SLC2A13: variants seen among roughly 807,000 people sequenced by gnomAD.
SLC2A13 encodes proton myo-inositol cotransporter.
Under a neutral mutation model 64.4 loss-of-function variants are expected in SLC2A13, and 32 were observed. That is an observed-to-expected ratio of 0.50 (90% CI 0.37 to 0.67). The LOEUF (loss-of-function observed/expected upper bound fraction) is 0.67. SLC2A13 is among the 30% of genes least tolerant of loss of function. The pLI, the probability that SLC2A13 is intolerant of heterozygous loss-of-function variation, is 0.00. For synonymous variants in SLC2A13, 338 were observed against 327.1 expected (o/e 1.03, Z -0.36); for missense variants, 743 against 829.2 (o/e 0.90, Z 1.28).
intron 6 of SLC2A13, among the ~76,000 whole-genome samples, chr12:39,861,180 G>A (rs1943749814): frequency 6.6e-6 from 1 of 152,116 alleles, no homozygotes; most frequent in Admixed American, 6.6e-5. Context: ...CATTCTCAAG[G>A]TAATCTTCTC....
intron 3 of SLC2A13, among the ~76,000 whole-genome samples, chr12:40,010,468 G>T (rs1489632394): frequency 6.6e-6 from 1 of 151,952 alleles, no homozygotes; most frequent in Non-Finnish European, 1.5e-5. Context: ...GCCTGGATCA[G>T]CTGACTAAAG....
chr12:39,881,347 A>G (rs1944331840), intron 4 of SLC2A13, among the ~76,000 whole-genome samples: 1 of 152,152 alleles, frequency 6.6e-6, no homozygotes, highest in Admixed American at 6.5e-5. Context: ...AACAATCTGG[A>G]AACTCAAACA....
chr12:39,765,200 TGAC>T (rs756343531), intron 7 of SLC2A13, among the ~76,000 whole-genome samples: 1 of 152,070 alleles, frequency 6.6e-6, no homozygotes, highest in Non-Finnish European at 1.5e-5. Flanking sequence ...TTTGCAATCA[TGAC>T]AAGATTCAAA....
At chr12:39,823,248 T>C (rs1412114083) in intron 7 of SLC2A13, among the ~76,000 whole-genome samples, 1 of 152,210 alleles carries the variant, frequency 6.6e-6, no homozygotes, top group Non-Finnish European at 1.5e-5. Flanking sequence ...ATAAAATTTA[T>C]GTTGGTAAAA....
chr12:39,918,006 TGACA>T (rs1016086802), intron 4 of SLC2A13, among the ~76,000 whole-genome samples: 1 of 152,088 alleles, frequency 6.6e-6, no homozygotes, highest in Non-Finnish European at 1.5e-5. Flanking sequence ...AAAACTTGAT[TGACA>T]ATGAGGAAAT....
intron 3 of SLC2A13, among the ~76,000 whole-genome samples, chr12:39,978,594 C>T (rs551834119): frequency 1.5e-4 from 23 of 152,252 alleles, no homozygotes; most frequent in African/African-American, 3.9e-4. Flanking sequence ...CACTCCCACC[C>T]GAATATGGCG....
chr12:40,003,295 A>AAGTT (rs1344802280), intron 3 of SLC2A13, among the ~76,000 whole-genome samples: 1 of 152,230 alleles, frequency 6.6e-6, no homozygotes, highest in Non-Finnish European at 1.5e-5. Context: ...TACCCTATTT[A>AAGTT]ACAACTAGAA....
chr12:39,835,292 A>G (rs1479163600), intron 6 of SLC2A13, among the ~76,000 whole-genome samples: 1 of 152,074 alleles, frequency 6.6e-6, no homozygotes, highest in Non-Finnish European at 1.5e-5. Context: ...CATGAAAGAA[A>G]AAGACAGAAA....
intron 4 of SLC2A13, among the ~76,000 whole-genome samples, chr12:39,933,887 G>A (rs1945874724): frequency 6.6e-6 from 1 of 152,162 alleles, no homozygotes; most frequent in African/African-American, 2.4e-5. Flanking sequence ...GAGACTTAGA[G>A]TGTCTGTATA....
At chr12:39,788,837 C>A (rs1480040061) in intron 7 of SLC2A13, among the ~76,000 whole-genome samples, 1 of 152,134 alleles carries the variant, frequency 6.6e-6, no homozygotes, top group Non-Finnish European at 1.5e-5. Flanking sequence ...ATCTAAATTT[C>A]CAGACTCAAA....
chr12:39,967,577 G>C (rs937606340), intron 3 of SLC2A13, among the ~76,000 whole-genome samples: 3 of 152,178 alleles, frequency 2.0e-5, no homozygotes. Context: ...TTCTATTTGA[G>C]TGAAGTATGT....
intron 1 of SLC2A13, among the ~76,000 whole-genome samples, chr12:40,078,181 AC>A (rs1370468974): frequency 7.2e-5 from 11 of 152,198 alleles, no homozygotes; most frequent in African/African-American, 2.4e-4. Flanking sequence ...GACATCCAGT[AC>A]TATGCTGAAT....
intron 6 of SLC2A13, among the ~76,000 whole-genome samples, chr12:39,862,127 C>T (rs1051570016): frequency 1.3e-5 from 2 of 152,162 alleles, no homozygotes; most frequent in African/African-American, 2.4e-5. Flanking sequence ...TTAATACATT[C>T]AGTCCAGAGA....
chr12:39,921,957 G>A (rs980983119), intron 4 of SLC2A13, among the ~76,000 whole-genome samples: 1 of 151,268 alleles, frequency 6.6e-6, no homozygotes, highest in African/African-American at 2.5e-5. Context: ...AAGCATCAAG[G>A]TATGCAAGGT....
chr12:40,067,988 C>T (rs1237143092), intron 1 of SLC2A13, among the ~76,000 whole-genome samples: 2 of 152,074 alleles, frequency 1.3e-5, no homozygotes, highest in Admixed American at 1.3e-4. Flanking sequence ...ACTGCAGCCT[C>T]GATTTCCTAG....
intron 4 of SLC2A13, among the ~76,000 whole-genome samples, chr12:39,896,584 A>C (rs529161548): frequency 6.6e-6 from 1 of 150,828 alleles, no homozygotes; most frequent in South Asian, 2.1e-4. Context: ...ATGTGTGTAT[A>C]TATGTATACA....
intron 4 of SLC2A13, among the ~76,000 whole-genome samples, chr12:39,921,276 A>T (rs1384826662): frequency 1.3e-5 from 2 of 152,034 alleles, no homozygotes; most frequent in Non-Finnish European, 2.9e-5. Flanking sequence ...TTGCTAGAAA[A>T]TGATGATCTT....
At chr12:40,094,402 C>A (rs1006413089) in intron 1 of SLC2A13, among the ~76,000 whole-genome samples, 13 of 152,162 alleles carry the variant, frequency 8.5e-5, no homozygotes, top group African/African-American at 3.1e-4. Context: ...ATTAAGAGGT[C>A]TGGGAGATGA....
chr12:40,103,841 G>C (rs189669457), intron 1 of SLC2A13, among the ~76,000 whole-genome samples: 156 of 152,328 alleles, frequency 1.0e-3, no homozygotes, highest in African/African-American at 3.3e-3. Context: ...CACACAAATA[G>C]GTTTCATTTC....
Sources: gnomAD v4.1 joint callset for allele counts (sites outside exome capture counted in the v4.1 genomes callset) on GRCh38, gnomAD v4.1.1 for gene constraint, MANE v1.5 for transcripts, NCBI Gene and HGNC (gene_info 2026-07-23, HGNC 2026-07-21) for gene names.